Variants in SIPA1L2 observed in about 807,000 individuals in gnomAD.
The protein encoded by SIPA1L2 is signal induced proliferation associated 1 like 2, also known as signal-induced proliferation-associated 1-like protein 2.
A neutral mutation model predicts 163.9 loss-of-function variants in SIPA1L2; 56 were observed. The ratio of observed to expected loss-of-function variants is 0.34; its 90% CI spans 0.28 to 0.43. The LOEUF (loss-of-function observed/expected upper bound fraction) is 0.43, where lower values mean the gene tolerates loss of function less well. Among genes scored for constraint, SIPA1L2 ranks in the 20% least tolerant of loss-of-function variants. The pLI is 1.00. For synonymous variants in SIPA1L2, 877 were observed against 865.7 expected (o/e 1.01, Z -0.23); for missense variants, 1,974 against 2,193.5 (o/e 0.90, Z 2.00).
At chr1:232,573,545 G>A (rs1659919787) in intron 2 of SIPA1L2, among the ~76,000 whole-genome samples, 1 of 152,170 alleles carries the variant, frequency 6.6e-6, no homozygotes, top group Non-Finnish European at 1.5e-5. Flanking sequence ...CCTGGGGGTG[G>A]TTACTTCCGA....
intron 1 of SIPA1L2, among the ~76,000 whole-genome samples, chr1:232,587,277 C>G (rs1181180082): frequency 6.6e-6 from 1 of 152,170 alleles, no homozygotes; most frequent in Non-Finnish European, 1.5e-5. Flanking sequence ...GTGCCACACT[C>G]CAGGAACTCT....
chr1:232,493,205 T>C (rs1273041409), intron 4 of SIPA1L2, among the ~76,000 whole-genome samples: 2 of 152,158 alleles, frequency 1.3e-5, no homozygotes, highest in East Asian at 1.9e-4. Context: ...TGTAAGTTTC[T>C]TGAGGCCTCC....
chr1:232,616,708 T>C (rs1484604312), intron 1 of SIPA1L2, among the ~76,000 whole-genome samples: 1 of 152,250 alleles, frequency 6.6e-6, no homozygotes, highest in Non-Finnish European at 1.5e-5. Context: ...CAGAGCTACC[T>C]TAACCAATAC....
chr1:232,423,148 G>A (rs1043381573), intron 18 of SIPA1L2, among the ~76,000 whole-genome samples: 17 of 152,162 alleles, frequency 1.1e-4, no homozygotes, highest in African/African-American at 3.6e-4. Context: ...GTATTGTGTT[G>A]CAAGATGATT....
At chr1:232,501,216 C>A (rs906889095) in intron 3 of SIPA1L2, among the ~76,000 whole-genome samples, 1 of 151,910 alleles carries the variant, frequency 6.6e-6, no homozygotes, top group Non-Finnish European at 1.5e-5. Context: ...CACCACCACA[C>A]CCGGCTAATG....
At chr1:232,439,716 G>T (rs1040861406) in intron 14 of SIPA1L2, among the ~76,000 whole-genome samples, 11 of 152,180 alleles carry the variant, frequency 7.2e-5, no homozygotes, top group Non-Finnish European at 1.5e-4. Context: ...AGTTAAATGG[G>T]TATCTTTAAG....
chr1:232,619,948 G>A (rs1373974444), intron 1 of SIPA1L2, among the ~76,000 whole-genome samples: 4 of 152,056 alleles, frequency 2.6e-5, no homozygotes, highest in Admixed American at 6.5e-5. Context: ...GCAGTGGCGC[G>A]ATCTCAGCTC....
intron 19 of SIPA1L2, 150 bp from the exon 20 acceptor site, chr1:232,404,328 T>G (rs190621769): frequency 3.1e-6 from 2 of 652,596 alleles, no homozygotes; most frequent in Admixed American, 2.5e-5. Flanking sequence ...GTAACTCCAA[T>G]GCAATGAGAT....
Position 232,398,905 on chromosome 1 carries a change from A to T in SIPA1L2, c.*222T>A, listed in dbSNP as rs1196165195. On this transcript the variant is annotated 3_prime_UTR_variant, in exon 23 of 23. Coordinates refer to ENST00000674635, the MANE Select transcript of SIPA1L2 (RefSeq NM_020808.5). The stretch of plus-strand genomic sequence containing the variant: ...CGCCAGGGTTTACATTCATCTTCAC[A>T]CCAGGAGTTACATTCATTCATCTTC... The T allele has an allele frequency of 1.4e-5, 8 of 553,224 alleles. No homozygotes were observed. In the Admixed American group the frequency reaches 2.6e-4, roughly 18 times the overall value. The allele number at this position is 553,224 out of a possible 1,614,324, so 34.3% of individuals were successfully genotyped here. A position where few individuals can be genotyped will look rare whatever the true frequency, so the allele number is the denominator to read the frequency against.
chr1:232,413,416 C>T lies in SIPA1L2; in HGVS notation c.4762+2078G>A, dbSNP rs79617996. 1.4e-3 allele frequency among the ~76,000 whole-genome samples: 218 copies of T among 152,222 alleles called. 4 individuals are homozygous for T. The East Asian group carries it at 0.031, about 22-fold the overall frequency. ...CTCTAATCCCCTGGAAAAAAAAATG[C>T]ATTTTCTAGCAGTCATTCTGTTCTG... On this transcript the variant is annotated intron_variant, in intron 19 of 22. Transcript: ENST00000674635.
intron 1 of SIPA1L2, among the ~76,000 whole-genome samples, chr1:232,578,403 A>C (rs1660195403): frequency 6.6e-6 from 1 of 152,182 alleles, no homozygotes; most frequent in Non-Finnish European, 1.5e-5. Context: ...TGAACTATAA[A>C]AGATAAATGT....
At chr1:232,571,035 A>C (rs1659697622) in intron 2 of SIPA1L2, among the ~76,000 whole-genome samples, 1 of 151,902 alleles carries the variant, frequency 6.6e-6, no homozygotes, top group Non-Finnish European at 1.5e-5. Context: ...ACTCTATTGC[A>C]AAAGGTATCT....
chr1:232,570,671 C>T (rs1051296663), intron 2 of SIPA1L2, among the ~76,000 whole-genome samples: 5 of 152,112 alleles, frequency 3.3e-5, no homozygotes, highest in Admixed American at 3.3e-4. Context: ...CAAGGAAGCA[C>T]ACCTTTACTT....
chr1:232,505,595 T>G (rs550263789), intron 3 of SIPA1L2, among the ~76,000 whole-genome samples: 17 of 152,310 alleles, frequency 1.1e-4, no homozygotes, highest in Non-Finnish European at 1.6e-4. Context: ...CTGTGGTGTA[T>G]GGGAACTGTG....
At chr1:232,406,813 A>C (rs6687851) in intron 19 of SIPA1L2, among the ~76,000 whole-genome samples, 2 of 152,074 alleles carry the variant, frequency 1.3e-5, no homozygotes, top group Non-Finnish European at 2.9e-5. Flanking sequence ...TGCCAGATGG[A>C]ACATCCAAGT....
At chr1:232,413,839 A>C (rs1162612798) in intron 19 of SIPA1L2, among the ~76,000 whole-genome samples, 3 of 152,178 alleles carry the variant, frequency 2.0e-5, no homozygotes, top group Non-Finnish European at 4.4e-5. Flanking sequence ...CTCTGGTCTA[A>C]TCTCTCCTGG....
At chr1:232,515,934 G>T (rs1414886038) in intron 2 of SIPA1L2, among the ~76,000 whole-genome samples, 1 of 152,114 alleles carries the variant, frequency 6.6e-6, no homozygotes, top group East Asian at 1.9e-4. Flanking sequence ...ATCTCTAATT[G>T]CTGTTTACCA....
intron 3 of SIPA1L2, among the ~76,000 whole-genome samples, chr1:232,508,179 TCAGA>T (rs1666815853): frequency 6.6e-6 from 1 of 152,118 alleles, no homozygotes; most frequent in Middle Eastern, 3.2e-3. Context: ...TCCCGAAGGC[TCAGA>T]CAATGATTTA....
At chr1:232,405,786 G>C (rs1188076480) in intron 19 of SIPA1L2, among the ~76,000 whole-genome samples, 1 of 152,156 alleles carries the variant, frequency 6.6e-6, no homozygotes, top group African/African-American at 2.4e-5. Flanking sequence ...TGATAATTCA[G>C]TTATGTTTCT....
Sources: gnomAD v4.1 joint callset for allele counts (sites outside exome capture counted in the v4.1 genomes callset) on GRCh38, gnomAD v4.1.1 for gene constraint, MANE v1.5 for transcripts, NCBI Gene and HGNC (gene_info 2026-07-23, HGNC 2026-07-21) for gene names.